The following LRRC8C variants were observed in gnomAD, a reference collection of about 807,000 sequenced individuals.
LRRC8C encodes the protein leucine rich repeat containing 8 VRAC subunit C.
Under a neutral mutation model 55.3 loss-of-function variants are expected in LRRC8C, and 20 were observed. The ratio of observed to expected loss-of-function variants is 0.36; its 90% CI spans 0.25 to 0.53. LRRC8C has a LOEUF of 0.53. LRRC8C is among the 20% of genes least tolerant of loss of function. The pLI is 0.92. For synonymous variants in LRRC8C, 376 were observed against 360.7 expected (o/e 1.04, Z -0.48); for missense variants, 659 against 951.4 (o/e 0.69, Z 4.04).
chr1:89,630,377 T>C (rs1656075375), upstream of LRRC8C, among the ~76,000 whole-genome samples: 1 of 152,160 alleles, frequency 6.6e-6, no homozygotes. Flanking sequence ...CCCAGACCTA[T>C]TTCATTCCAA....
intron 1 of LRRC8C, among the ~76,000 whole-genome samples, chr1:89,677,400 A>G (rs1557658006): frequency 6.6e-6 from 1 of 152,250 alleles, no homozygotes; most frequent in African/African-American, 2.4e-5. Context: ...TAGCTTAAGA[A>G]TCATTTAAAT....
upstream of LRRC8C, among the ~76,000 whole-genome samples, chr1:89,628,257 A>G (rs1014658570): frequency 3.3e-5 from 5 of 152,162 alleles, no homozygotes; most frequent in Admixed American, 2.0e-4. Flanking sequence ...CCTTCCTATC[A>G]TAACAGTTGA....
At chr1:89,649,671 A>C (rs1656704429) in intron 1 of LRRC8C, among the ~76,000 whole-genome samples, 1 of 152,334 alleles carries the variant, frequency 6.6e-6, no homozygotes, top group African/African-American at 2.4e-5. Context: ...GGAGGTAAAT[A>C]AAACACCTTT....
chr1:89,690,443 A>G (rs541135665), intron 2 of LRRC8C, among the ~76,000 whole-genome samples: 21 of 152,284 alleles, frequency 1.4e-4, no homozygotes, highest in Middle Eastern at 3.4e-3. Context: ...CGGGAGCACT[A>G]TCAACCTGTC....
chr1:89,713,545 C>T lies in LRRC8C; in HGVS notation c.975C>T (p.Cys325=), dbSNP rs1262943109. The change falls in exon 3 of 3, where the codon TGC becomes TGT. Residue 325 remains cysteine (C), a synonymous_variant. Coordinates refer to ENST00000370454, the MANE Select transcript of LRRC8C (RefSeq NM_032270.5). This position sits in a 1 kb window ranked among gnomAD's most constrained non-coding sequence, Gnocchi z 5.2. The part of the protein sequence containing the change: ...LFSKLSFCYL[C]FVSIYGLTCL... ...CAAAACTGTCCTTTTGCTATCTGTG[C>T]TTTGTTAGTATCTATGGATTGACGT... 6 of 1,614,014 alleles carry T rather than the reference C, an allele frequency of 3.7e-6. No individual in the cohort carries two copies. Among genetic ancestry groups the T allele is most frequent in the Non-Finnish European group, 5.1e-6 (6 of 1,180,038 alleles).
At chr1:89,709,227 G>A (rs898063780) in intron 2 of LRRC8C, among the ~76,000 whole-genome samples, 1 of 152,224 alleles carries the variant, frequency 6.6e-6, no homozygotes, top group African/African-American at 2.4e-5. Flanking sequence ...AGGCTGGAAA[G>A]AAAAGACAGG....
chr1:89,653,213 GC>G (rs377048221), intron 1 of LRRC8C, among the ~76,000 whole-genome samples: 85 of 152,258 alleles, frequency 5.6e-4, no homozygotes, highest in African/African-American at 2.0e-3. Context: ...ATTCCAAAGA[GC>G]TCTAACCCCT....
At chr1:89,621,512 ACTC>A in the LRRC8C span, among the ~76,000 whole-genome samples, 2 of 151,164 alleles carry the variant, frequency 1.3e-5, no homozygotes, top group African/African-American at 2.4e-5. Context: ...GTCTTGCACC[ACTC>A]CTCACCTCAC....
intron 2 of LRRC8C, among the ~76,000 whole-genome samples, chr1:89,696,664 C>A (rs527897427): frequency 6.6e-6 from 1 of 152,154 alleles, no homozygotes; most frequent in African/African-American, 2.4e-5. Context: ...GGGAGACTTC[C>A]AAATGATGAC....
intron 1 of LRRC8C, among the ~76,000 whole-genome samples, chr1:89,656,427 T>C (rs550888482): frequency 6.6e-6 from 1 of 152,340 alleles, no homozygotes; most frequent in East Asian, 1.9e-4. Context: ...CGAGGCTTTC[T>C]TAAAACTTCA....
At chr1:89,659,058 TTTTTGTGTGTGTG>T (rs1312111812) in intron 1 of LRRC8C, among the ~76,000 whole-genome samples, 4 of 58,980 alleles carry the variant, frequency 6.8e-5, no homozygotes, top group African/African-American at 1.2e-4. Context: ...GTTTTTTTTT[TTTTTGTGTGTGTG>T]TGTGTGTGTG....
At chr1:89,693,552 T>C (rs1658080963) in intron 2 of LRRC8C, among the ~76,000 whole-genome samples, 1 of 151,892 alleles carries the variant, frequency 6.6e-6, no homozygotes, top group Non-Finnish European at 1.5e-5. Flanking sequence ...GTAATACTGA[T>C]TACATCAGAA....
At chr1:89,629,929 CGGGTGGAT>C (rs1656062845), upstream of LRRC8C, 1 of 152,170 alleles carries the variant, frequency 6.6e-6, no homozygotes, top group African/African-American at 2.4e-5. Context: ...GAGGCCAAGG[CGGGTGGAT>C]CACCTGAGGT....
rs144395955 is a variant in LRRC8C at position 89,654,394 on chromosome 1, C to T, written c.-5+21072C>T. 3.4e-3 allele frequency among the ~76,000 whole-genome samples: 511 copies of T among 152,174 alleles called. 3 individuals are homozygous for T. The highest frequency in any genetic ancestry group is 0.012 in the African/African-American group (485 of 41,516). ...AGTATAGCCATGTAGCAAAATTGCA[C>T]GTGTACCCTTTAAATTTATACAAAA... On this transcript the variant is annotated intron_variant, in intron 1 of 2. Transcript: ENST00000370454.
intron 1 of LRRC8C, among the ~76,000 whole-genome samples, chr1:89,675,479 A>G (rs921652065): frequency 6.6e-6 from 1 of 152,192 alleles, no homozygotes; most frequent in African/African-American, 2.4e-5. Flanking sequence ...CTGTGTGTTC[A>G]TGGTGTGCCT....
At chr1:89,666,711 T>C (rs2153187) in intron 1 of LRRC8C, among the ~76,000 whole-genome samples, 85,435 of 152,010 alleles carry the variant, frequency 0.56, 25,570 homozygotes, top group South Asian at 0.74. Flanking sequence ...ATTTCTGTTA[T>C]TCATTTTAAT....
At chr1:89,701,714 G>C (rs1658331469) in intron 2 of LRRC8C, among the ~76,000 whole-genome samples, 1 of 152,144 alleles carries the variant, frequency 6.6e-6, no homozygotes, top group Admixed American at 6.5e-5. Flanking sequence ...ATCTGCGAAA[G>C]ATGGTAAAAC....
chr1:89,655,392 T>C (rs759843929), intron 1 of LRRC8C, among the ~76,000 whole-genome samples: 47 of 152,356 alleles, frequency 3.1e-4, no homozygotes, highest in Admixed American at 1.9e-3. Context: ...CTTTATTTGT[T>C]CCTTTGATTG....
At chr1:89,647,197 C>T (rs555480583) in intron 1 of LRRC8C, among the ~76,000 whole-genome samples, 1 of 152,064 alleles carries the variant, frequency 6.6e-6, no homozygotes, top group South Asian at 2.1e-4. Context: ...AGTACCATAT[C>T]CTGGATTATA....
Sources: allele counts gnomAD v4.1 joint callset (sites outside exome capture counted in the v4.1 genomes callset), GRCh38; gene constraint gnomAD v4.1.1; non-coding constraint Gnocchi (gnomAD v3.1); transcripts MANE v1.5; gene names NCBI Gene and HGNC (gene_info 2026-07-23, HGNC 2026-07-21).